IL37: variants seen among roughly 807,000 people sequenced by gnomAD.
IL37 encodes interleukin-37.
In IL37, 15 loss-of-function variants were observed where a neutral mutation model predicts 15.4. That is an observed-to-expected ratio of 0.98 (90% CI 0.65 to 1.50). The LOEUF is 1.50. Ranked by LOEUF, IL37 falls within the 40% of genes most tolerant of loss-of-function variation. The pLI, the probability that IL37 is intolerant of heterozygous loss-of-function variation, is 0.00. For synonymous variants in IL37, 98 were observed against 97.4 expected, an observed-to-expected ratio of 1.01 and a Z score of -0.03; for missense variants, 269 against 261.7, an observed-to-expected ratio of 1.03 and a Z score of -0.19.
At chr2:112,913,268 C>A (rs1055735053) in intron 2 of IL37, among the ~76,000 whole-genome samples, 174 bp downstream of exon 2, 1 of 152,192 alleles carries the variant, frequency 6.6e-6, no homozygotes, top group Admixed American at 6.5e-5. Flanking sequence ...GAAAAGGAAG[C>A]TTTGCTTCAG....
chr2:112,913,771 C>T (rs767464677), intron 2 of IL37, 21 bp from the exon 3 acceptor site: 2 of 1,609,646 alleles, frequency 1.2e-6, no homozygotes, highest in African/African-American at 1.3e-5. Flanking sequence ...CATATGCTAA[C>T]CTCACTGCGT....
At chr2:112,915,512 T>C (rs190193657) in intron 3 of IL37, among the ~76,000 whole-genome samples, 1 of 152,300 alleles carries the variant, frequency 6.6e-6, no homozygotes, top group East Asian at 1.9e-4. Flanking sequence ...GACAGAGGCT[T>C]GGCACCACCC....
At position 112,918,568 on chromosome 2, in the gene IL37, A is replaced by C. The variant is rs1485466699; in HGVS notation, c.416A>C (p.Lys139Thr). 6.2e-7 allele frequency: 1 copy of C among 1,610,340 alleles called. No homozygotes were observed. The highest frequency in any genetic ancestry group is 2.2e-5 in the East Asian group (1 of 44,844). The change falls in exon 6 of 6, where the codon AAA (lysine) becomes ACA (threonine). Residue 139 changes from lysine to threonine, a missense_variant. Lys to Thr is a moderately conservative substitution (Grantham distance 78). Transcript: ENST00000263326. ...ATCCCTTTTACCTCACAGAAGGAGA[A>C]ACTGATGAAGCTGGCTGCCCAAAAG... The part of the protein sequence containing the change: ...SHPSLQLKKE[K>T]LMKLAAQKES...
intron 2 of IL37, among the ~76,000 whole-genome samples, 163 bp downstream of exon 2, chr2:112,913,257 G>T (rs3811042): frequency 6.6e-6 from 1 of 152,086 alleles, no homozygotes; most frequent in African/African-American, 2.4e-5. Flanking sequence ...ATTCTGGAAG[G>T]GAAAAGGAAG....
chr2:112,913,957 G>A (rs1683241344), intron 3 of IL37, 103 bp downstream of exon 3: 1 of 911,692 alleles, frequency 1.1e-6, no homozygotes, highest in East Asian at 2.5e-5. Context: ...TTGTAGAATG[G>A]GGACACCTAA....
In IL37 at chr2:112,917,189, T is replaced by C. The variant is rs754637002; in HGVS notation, c.206T>C (p.Val69Ala). Residue 69 changes from valine to alanine, a missense_variant, in exon 4 of 6, where the codon GTA becomes GCA. By Grantham distance (64) the Val-to-Ala change is moderately conservative (BLOSUM62 0). Transcript: ENST00000263326. Reference protein sequence around the residue: ...KFSIHDQDHKVLVLDSGNLIA... With the variant: ...KFSIHDQDHKALVLDSGNLIA... ...AGCATTCATGACCAGGATCACAAAG[T>C]ACTGGTCCTGGACTCTGGGAATCTC... The C allele has an allele frequency of 3.1e-6, 5 of 1,614,112 alleles. No homozygotes were observed. The South Asian group carries it at 5.5e-5, about 18-fold the overall frequency.
chr2:112,915,331 A>G lies in IL37; in HGVS notation c.145+1477A>G, dbSNP rs144486419. On this transcript the variant is annotated intron_variant, in intron 3 of 5. Coordinates refer to ENST00000263326, the MANE Select transcript of IL37 (RefSeq NM_014439.4). ...GCATTTTCCAGTCTCACCCTGGACT[A>G]ACTGAATGAGAATCTCAGGAGTGTG... The G allele has an allele frequency of 1.2e-3, 1,546 of 1,281,014 alleles. 36 individuals carry two copies. In the East Asian group the frequency reaches 0.028, roughly 23 times the overall value. The allele number at this position is 1,281,014 out of a possible 1,614,324, so 79.4% of individuals were successfully genotyped here. A position where few individuals can be genotyped will look rare whatever the true frequency, so the allele number is the denominator to read the frequency against.
chr2:112,915,111 AAGATTTGG>A (rs1683272030), intron 3 of IL37: 1 of 1,347,174 alleles, frequency 7.4e-7, no homozygotes, highest in Admixed American at 1.8e-5. Flanking sequence ...GGCCTTGAGA[AAGATTTGG>A]GGTCAAGGAT....
intron 3 of IL37, 37 bp downstream of exon 3, chr2:112,913,891 G>A (rs1683239083): frequency 6.4e-7 from 1 of 1,554,484 alleles, no homozygotes; most frequent in Non-Finnish European, 8.9e-7. Flanking sequence ...GGTGGCTGAG[G>A]TGCGAGGGTG....
intron 3 of IL37, among the ~76,000 whole-genome samples, chr2:112,914,422 T>C (rs1302022461): frequency 1.3e-5 from 2 of 152,208 alleles, no homozygotes; most frequent in African/African-American, 4.8e-5. Flanking sequence ...ATAACGTCTG[T>C]CTGCCTGACT....
chr2:112,912,718 A>T (rs1203274725), intron 1 of IL37, among the ~76,000 whole-genome samples: 1 of 152,222 alleles, frequency 6.6e-6, no homozygotes, highest in Non-Finnish European at 1.5e-5. Context: ...TTTTTGTAAA[A>T]TGCCAAGATC....
intron 3 of IL37, among the ~76,000 whole-genome samples, chr2:112,914,500 C>T (rs1189075808): frequency 1.3e-5 from 2 of 152,204 alleles, no homozygotes; most frequent in South Asian, 2.1e-4. Flanking sequence ...TGAGCCCCAG[C>T]TCTAGTGCAG....
rs1489179993 is a variant in IL37, at chr2:112,913,076, C to T, written c.64C>T (p.Pro22Ser). The T allele has an allele frequency of 6.4e-7, 1 of 1,564,242 alleles. No individual in the cohort carries two copies. The highest frequency in any genetic ancestry group is 8.6e-7 in the Non-Finnish European group (1 of 1,160,956). ...CTCTGAGGACTGGGAAAAAGATGAACCCCAGTGCTGCTTAGAAGGTAAGGT... is the reference window on the plus strand; with the variant it reads ...CTCTGAGGACTGGGAAAAAGATGAATCCCAGTGCTGCTTAGAAGGTAAGGT... ...MGSEDWEKDE[P>S]QCCLEDPAGS... is the part of the protein sequence containing the mutation. Residue 22 changes from proline (P) to serine (S), a missense_variant, in exon 2 of 6, where the codon CCC (proline) becomes TCC (serine). Coordinates refer to ENST00000263326, the MANE Select transcript of IL37 (RefSeq NM_014439.4).
Position 112,918,604 on chromosome 2 carries a change from G to A in IL37, c.452G>A (p.Arg151His), listed in dbSNP as rs569745618. Residue 151 changes from arginine to histidine, a missense_variant, in exon 6 of 6, where the codon CGC becomes CAC. Coordinates refer to ENST00000263326, the MANE Select transcript of IL37 (RefSeq NM_014439.4). The stretch of plus-strand genomic sequence containing the variant: ...CTGGCTGCCCAAAAGGAATCAGCAC[G>A]CCGGCCCTTCATCTTTTATAGGGCT... ...MKLAAQKESARRPFIFYRAQV... is the reference protein window; with the variant it reads ...MKLAAQKESAHRPFIFYRAQV... 13 of 1,613,290 alleles carry A rather than the reference G, an allele frequency of 8.1e-6. No individual in the cohort carries two copies. The highest frequency in any genetic ancestry group is 4.5e-5 in the East Asian group (2 of 44,878).
chr2:112,916,031 G>A (rs1463588526), intron 3 of IL37, among the ~76,000 whole-genome samples: 1 of 152,140 alleles, frequency 6.6e-6, no homozygotes, highest in Admixed American at 6.5e-5. Context: ...TGTTACAGGA[G>A]GAGTCCTCCC....
rs1683387499 is a variant in IL37 at position 112,918,792 on chromosome 2, A to G, written c.640A>G (p.Ser214Gly). The change falls in exon 6 of 6, where the codon AGT becomes GGT. Residue 214 changes from serine to glycine, a missense_variant. Coordinates refer to ENST00000263326, the MANE Select transcript of IL37 (RefSeq NM_014439.4). ...AGTTTGCAAAGCTGAAATGAGCCCC[A>G]GTGAGGTCAGCGATTAGGAAACTGC... is the stretch of plus-strand genomic sequence containing the variant. Reference protein sequence around the residue: ...QPVCKAEMSPSEVSD With the variant: ...QPVCKAEMSPGEVSD 6.2e-7 allele frequency: 1 copy of G among 1,613,742 alleles called. No homozygotes were observed. The highest frequency in any genetic ancestry group is 8.5e-7 in the Non-Finnish European group (1 of 1,179,640).
rs1573310419 is a variant in IL37, at chr2:112,912,975, A to T, written c.-38A>T. 8.7e-6 allele frequency: 13 copies of T among 1,495,252 alleles called. No individual in the cohort carries two copies. The East Asian group carries it at 3.2e-4, about 36-fold the overall frequency. The allele number at this position is 1,495,252 out of a possible 1,614,324, so 92.6% of individuals were successfully genotyped here. A position where few individuals can be genotyped will look rare whatever the true frequency, so the allele number is the denominator to read the frequency against. ...TCTATCTCCTTAGGTCTTGGACTTC[A>T]TTCCATTTTCTGTTGAGTAATAAAC... On this transcript the variant is annotated 5_prime_UTR_variant, in exon 2 of 6. Coordinates refer to ENST00000263326, the MANE Select transcript of IL37 (RefSeq NM_014439.4).
intron 3 of IL37, among the ~76,000 whole-genome samples, chr2:112,914,822 C>T (rs1337206948): frequency 6.6e-6 from 1 of 152,172 alleles, no homozygotes; most frequent in Non-Finnish European, 1.5e-5. Flanking sequence ...CCTCAAACGT[C>T]AGCAGCATCA....
At chr2:112,918,350 C>G (rs767484002) in intron 5 of IL37, among the ~76,000 whole-genome samples, 6 of 151,458 alleles carry the variant, frequency 4.0e-5, no homozygotes, top group Non-Finnish European at 8.8e-5. Context: ...TATTTTTAAT[C>G]TGGGGGACAA....
Sources: gnomAD v4.1 joint callset for allele counts (sites outside exome capture counted in the v4.1 genomes callset) on GRCh38, gnomAD v4.1.1 for gene constraint, MANE v1.5 for transcripts, NCBI Gene and HGNC (gene_info 2026-07-23, HGNC 2026-07-21) for gene names.